MIPOL1: variants seen among roughly 807,000 people sequenced by gnomAD.
MIPOL1 encodes the protein mirror-image polydactyly gene 1 protein.
In MIPOL1, 57 loss-of-function variants were observed where a neutral mutation model predicts 60.9. The observed-to-expected ratio is 0.94, with a 90% confidence interval of 0.76 to 1.17. The LOEUF (loss-of-function observed/expected upper bound fraction) is 1.17. Among genes scored for constraint, MIPOL1 ranks in the 50% most tolerant of loss-of-function variants. The pLI is 0.00. For missense variants in MIPOL1, 551 were observed against 511.6 expected (o/e 1.08, Z -0.74); for synonymous variants, 179 against 168.8 (o/e 1.06, Z -0.47).
chr14:37,365,015 G>A (rs1423475231), intron 9 of MIPOL1, among the ~76,000 whole-genome samples: 2 of 152,072 alleles, frequency 1.3e-5, no homozygotes, highest in Non-Finnish European at 1.5e-5. Flanking sequence ...TTTCACTGTT[G>A]TCATATAGAA....
In MIPOL1 at chr14:37,548,672, A is replaced by C. The variant is rs1338468754; in HGVS notation, c.*1701A>C. 6.6e-6 allele frequency: 1 copy of C among 151,970 alleles called. No homozygotes were observed. The highest frequency in any genetic ancestry group is 1.5e-5 in the Non-Finnish European group (1 of 67,856). The allele number at this position is 151,970 out of a possible 1,614,324, so 9.4% of individuals were successfully genotyped here. ...AGTAAAGAGAAACAATTTTTGTCAC[A>C]AAGTAGTCCATTCCTGATCTCACTT... On this transcript the variant is annotated 3_prime_UTR_variant, in exon 13 of 13. Coordinates refer to ENST00000684589, the MANE Select transcript of MIPOL1 (RefSeq NM_001388067.1).
At chr14:37,234,411 G>A (rs749810180) in intron 1 of MIPOL1, among the ~76,000 whole-genome samples, 8 of 145,004 alleles carry the variant, frequency 5.5e-5, no homozygotes, top group Admixed American at 7.0e-5. Context: ...GGCTGGCCTC[G>A]AACTCCTAGG....
intron 1 of MIPOL1, among the ~76,000 whole-genome samples, chr14:37,224,910 A>G (rs1969440860): frequency 1.3e-5 from 2 of 152,200 alleles, no homozygotes; most frequent in Admixed American, 1.3e-4. Context: ...TAAAGGGGGT[A>G]TAGGCATTGG....
chr14:37,305,545 AACTTG>A (rs1295973940), intron 7 of MIPOL1, among the ~76,000 whole-genome samples: 112 of 151,942 alleles, frequency 7.4e-4, no homozygotes, highest in South Asian at 1.0e-3. Flanking sequence ...TTTGCAGAAA[AACTTG>A]GCTGATCCCT....
chr14:37,429,589 TG>T (rs2153557846), intron 11 of MIPOL1, among the ~76,000 whole-genome samples: 1 of 152,220 alleles, frequency 6.6e-6, no homozygotes, highest in Non-Finnish European at 1.5e-5. Context: ...TAGTGAAAAG[TG>T]GAATAAACAT....
Position 37,473,222 on chromosome 14 carries a change from C to T in MIPOL1, c.1032-26686C>T, listed in dbSNP as rs114066757. On this transcript the variant is annotated intron_variant, in intron 11 of 12. Coordinates refer to ENST00000684589, the MANE Select transcript of MIPOL1 (RefSeq NM_001388067.1). ...GTTGTTAAAAGCATCCCACACCTCC[C>T]GCCTCTTTCTCCTGCTTCCTTTCTC... is the stretch of plus-strand genomic sequence containing the variant. Among the ~76,000 whole-genome samples the T allele has an allele frequency of 3.1e-3, 468 of 152,168 alleles. 3 individuals are homozygous for T. The highest frequency in any genetic ancestry group is 0.01 in the African/African-American group (430 of 41,502).
At chr14:37,416,132 A>G (rs1467083050) in intron 10 of MIPOL1, among the ~76,000 whole-genome samples, 1 of 152,204 alleles carries the variant, frequency 6.6e-6, no homozygotes, top group African/African-American at 2.4e-5. Context: ...ACACATCACT[A>G]TACATATTTA....
intron 10 of MIPOL1, among the ~76,000 whole-genome samples, chr14:37,419,259 C>T (rs926689874): frequency 1.3e-5 from 2 of 152,128 alleles, no homozygotes; most frequent in Non-Finnish European, 2.9e-5. Flanking sequence ...AGACTGCATA[C>T]TGTGTGATTC....
intron 6 of MIPOL1, among the ~76,000 whole-genome samples, chr14:37,273,468 A>C (rs1026368665): frequency 2.0e-5 from 3 of 151,142 alleles, no homozygotes; most frequent in Non-Finnish European, 4.4e-5. Flanking sequence ...GCTGTGATCC[A>C]GTTTTGCCAT....
intron 11 of MIPOL1, among the ~76,000 whole-genome samples, chr14:37,453,749 GGTTT>G (rs949967284): frequency 5.3e-5 from 8 of 152,222 alleles, no homozygotes; most frequent in Non-Finnish European, 7.4e-5. Context: ...AAAGTAACAT[GGTTT>G]GTTAGTGACA....
At chr14:37,270,297 T>TA (rs745378456) in intron 5 of MIPOL1, 123 bp from the exon 6 acceptor site, 8 of 437,900 alleles carry the variant, frequency 1.8e-5, no homozygotes, top group South Asian at 5.6e-5. Flanking sequence ...TTTCTGGAGT[T>TA]ATCTATCTAG....
intron 1 of MIPOL1, among the ~76,000 whole-genome samples, chr14:37,234,950 T>TC (rs1213546575): frequency 6.8e-6 from 1 of 147,686 alleles, no homozygotes; most frequent in Non-Finnish European, 1.5e-5. Flanking sequence ...TAATTTTTTT[T>TC]TTTTTTTTTT....
intron 1 of MIPOL1, among the ~76,000 whole-genome samples, chr14:37,234,932 C>T (rs952109433): frequency 4.0e-5 from 6 of 149,796 alleles, no homozygotes; most frequent in South Asian, 2.1e-4. Context: ...CCCACCACCA[C>T]GTACGGCTAA....
intron 12 of MIPOL1, among the ~76,000 whole-genome samples, chr14:37,526,161 A>T (rs1594879652): frequency 1.3e-5 from 2 of 151,864 alleles, no homozygotes; most frequent in African/African-American, 4.8e-5. Flanking sequence ...GTCTCTCATA[A>T]TCAAGCCTCT....
chr14:37,498,408 T>G (rs984772302), intron 11 of MIPOL1, among the ~76,000 whole-genome samples: 1 of 152,078 alleles, frequency 6.6e-6, no homozygotes, highest in Non-Finnish European at 1.5e-5. Flanking sequence ...GTTTCTTCTT[T>G]TCTTTCTTTC....
chr14:37,396,521 T>A (rs1227801072), intron 10 of MIPOL1, among the ~76,000 whole-genome samples: 1 of 152,134 alleles, frequency 6.6e-6, no homozygotes, highest in Non-Finnish European at 1.5e-5. Context: ...TGTGTAGGTC[T>A]CTAGCAATGC....
chr14:37,303,704 A>G (rs1298838507), intron 7 of MIPOL1, among the ~76,000 whole-genome samples: 1 of 151,892 alleles, frequency 6.6e-6, no homozygotes, highest in East Asian at 1.9e-4. Flanking sequence ...TTTTTAATTC[A>G]TTCAGTAAAT....
chr14:37,230,025 C>A (rs1050737992), intron 1 of MIPOL1, among the ~76,000 whole-genome samples: 1 of 152,048 alleles, frequency 6.6e-6, no homozygotes, highest in African/African-American at 2.4e-5. Flanking sequence ...CAGTTAATAA[C>A]AATGTATTAT....
rs556569213 is a variant in MIPOL1 at position 37,333,312 on chromosome 14, A to G, written c.828+24793A>G. Among the ~76,000 whole-genome samples, 3 of 152,050 alleles carry G rather than the reference A, an allele frequency of 2.0e-5. No individual in the cohort carries two copies. In the East Asian group the frequency reaches 5.8e-4, roughly 29 times the overall value. On this transcript the variant is annotated intron_variant, in intron 9 of 12. Transcript: ENST00000684589. ...ATACCTTTTTCTTAACTTTTTTGATATTTATACATTACACAGTTCATCTGT... is the reference window on the plus strand; with the variant it reads ...ATACCTTTTTCTTAACTTTTTTGATGTTTATACATTACACAGTTCATCTGT...
Sources: gnomAD v4.1 joint callset for allele counts (sites outside exome capture counted in the v4.1 genomes callset) on GRCh38, gnomAD v4.1.1 for gene constraint, MANE v1.5 for transcripts, NCBI Gene and HGNC (gene_info 2026-07-23, HGNC 2026-07-21) for gene names.